Variants in LARGE1 observed in about 807,000 individuals in gnomAD.
The protein encoded by LARGE1 is xylosyl- and glucuronyltransferase LARGE1.
A neutral mutation model predicts 87.6 loss-of-function variants in LARGE1; 43 were observed. The ratio of observed to expected loss-of-function variants is 0.49; its 90% CI spans 0.38 to 0.63. LARGE1 has a LOEUF of 0.63. Ranked by LOEUF, LARGE1 falls within the 30% of genes least tolerant of loss-of-function variation. The pLI is 0.00. For missense variants in LARGE1, 802 were observed against 1,000.2 expected, an observed-to-expected ratio of 0.80 and a Z score of 2.67; for synonymous variants, 434 against 394.6, an observed-to-expected ratio of 1.10 and a Z score of -1.18.
chr22:33,918,046 T>C (rs1480381051), intron 1 of LARGE1, among the ~76,000 whole-genome samples: 3 of 152,184 alleles, frequency 2.0e-5, no homozygotes, highest in African/African-American at 7.2e-5. Context: ...CTCCCTGCAC[T>C]GTGCATCAAC....
At chr22:33,836,596 AC>A (rs2063114277) in intron 1 of LARGE1, among the ~76,000 whole-genome samples, 1 of 152,116 alleles carries the variant, frequency 6.6e-6, no homozygotes, top group African/African-American at 2.4e-5. Context: ...CAAGTTCCAC[AC>A]CCAGGCATCT....
chr22:33,090,097 T>G, the LARGE1 span, among the ~76,000 whole-genome samples: 2 of 152,204 alleles, frequency 1.3e-5, no homozygotes, highest in South Asian at 4.2e-4. Flanking sequence ...TCCCAGCTAC[T>G]CAGGAGGCTG....
intron 7 of LARGE1, among the ~76,000 whole-genome samples, chr22:33,424,127 C>T (rs1476401889): frequency 6.6e-6 from 1 of 152,190 alleles, no homozygotes; most frequent in Non-Finnish European, 1.5e-5. Flanking sequence ...TTTAAAAGAA[C>T]AGTCACCCAG....
chr22:33,473,988 A>C (rs1336576684), intron 6 of LARGE1, among the ~76,000 whole-genome samples: 1 of 152,208 alleles, frequency 6.6e-6, no homozygotes, highest in Admixed American at 6.5e-5. Flanking sequence ...GTATTCTCCA[A>C]AACATCTTTG....
At chr22:33,226,886 C>T (rs945362752) in intron 11 of LARGE1, among the ~76,000 whole-genome samples, 1 of 151,966 alleles carries the variant, frequency 6.6e-6, no homozygotes, top group Non-Finnish European at 1.5e-5. Flanking sequence ...CCTGCCGCCG[C>T]GCCTGGCTAA....
At chr22:33,871,896 A>C (rs1386673198) in intron 1 of LARGE1, among the ~76,000 whole-genome samples, 2 of 152,084 alleles carry the variant, frequency 1.3e-5, no homozygotes, top group East Asian at 3.9e-4. Flanking sequence ...GAAGAACTAA[A>C]GTCCATAGCT....
intron 9 of LARGE1, among the ~76,000 whole-genome samples, chr22:33,372,982 A>C (rs899534557): frequency 6.6e-6 from 1 of 152,212 alleles, no homozygotes; most frequent in Admixed American, 6.5e-5. Context: ...TCCTATGAGA[A>C]ACAATCTTAT....
At chr22:33,828,634 C>T (rs1305580822) in intron 1 of LARGE1, among the ~76,000 whole-genome samples, 2 of 152,206 alleles carry the variant, frequency 1.3e-5, no homozygotes, top group Non-Finnish European at 2.9e-5. Flanking sequence ...CATGCCAGCA[C>T]CCAGCACCCC....
intron 1 of LARGE1, among the ~76,000 whole-genome samples, chr22:33,855,522 G>A (rs68063018): frequency 0.17 from 25,842 of 151,994 alleles, 2,392 homozygotes; most frequent in Admixed American, 0.3. Context: ...CACCAGGGCT[G>A]TGTGGTACAA....
At chr22:33,561,288 T>C (rs1447878199) in intron 6 of LARGE1, among the ~76,000 whole-genome samples, 2 of 152,208 alleles carry the variant, frequency 1.3e-5, no homozygotes, top group African/African-American at 2.4e-5. Context: ...AACCAGGGGC[T>C]GCCCCAGGCT....
intron 6 of LARGE1, among the ~76,000 whole-genome samples, chr22:33,530,660 T>C (rs1047828374): frequency 3.3e-5 from 5 of 152,176 alleles, no homozygotes; most frequent in Non-Finnish European, 7.3e-5. Flanking sequence ...CTGAGGACCA[T>C]GTCCCATGAG....
chr22:33,118,981 C>T, the LARGE1 span, among the ~76,000 whole-genome samples: 293 of 152,344 alleles, frequency 1.9e-3, no homozygotes, highest in East Asian at 0.018. Flanking sequence ...CTTCATCAAA[C>T]AGGAGGTCTA....
chr22:33,718,702 G>T (rs2082985952), intron 2 of LARGE1, among the ~76,000 whole-genome samples: 4 of 152,250 alleles, frequency 2.6e-5, no homozygotes, highest in Admixed American at 2.6e-4. Context: ...ATAAGTGGAG[G>T]TGGAAGACAG....
intron 6 of LARGE1, among the ~76,000 whole-genome samples, chr22:33,464,900 CACACACAT>C (rs374062074): frequency 2.5e-3 from 368 of 146,736 alleles, no homozygotes; most frequent in African/African-American, 9.3e-3. Flanking sequence ...CATACACACA[CACACACAT>C]ACACATGCAC....
At chr22:33,584,349 C>T (rs2078606422) in intron 5 of LARGE1, among the ~76,000 whole-genome samples, 1 of 152,176 alleles carries the variant, frequency 6.6e-6, no homozygotes, top group Admixed American at 6.5e-5. Flanking sequence ...ACACTTCCCC[C>T]CGACTCCTGG....
At chr22:33,815,938 T>C (rs1314849468) in intron 1 of LARGE1, among the ~76,000 whole-genome samples, 1 of 152,196 alleles carries the variant, frequency 6.6e-6, no homozygotes, top group Non-Finnish European at 1.5e-5. Context: ...GTACTACTTA[T>C]GAGACTATCA....
the LARGE1 span, among the ~76,000 whole-genome samples, chr22:33,085,407 A>G: frequency 2.6e-5 from 4 of 152,248 alleles, no homozygotes; most frequent in Non-Finnish European, 5.9e-5. Flanking sequence ...TATTGACAAA[A>G]CTGGCTCATC....
At chr22:33,793,789 T>A (rs1189488596) in intron 1 of LARGE1, among the ~76,000 whole-genome samples, 3 of 63,354 alleles carry the variant, frequency 4.7e-5, no homozygotes, top group African/African-American at 1.0e-4. Flanking sequence ...ACCCCCCAAC[T>A]TTTTTTTTTT....
chr22:33,443,088 A>G (rs745630897), intron 6 of LARGE1, among the ~76,000 whole-genome samples: 35 of 152,148 alleles, frequency 2.3e-4, no homozygotes, highest in Non-Finnish European at 4.1e-4. Flanking sequence ...CACTGCACCC[A>G]GCCATTGATT....
Sources: gnomAD v4.1 joint callset for allele counts (sites outside exome capture counted in the v4.1 genomes callset) on GRCh38, gnomAD v4.1.1 for gene constraint, MANE v1.5 for transcripts, NCBI Gene and HGNC (gene_info 2026-07-23, HGNC 2026-07-21) for gene names.